The following CDH10 variants were observed in gnomAD, a reference collection of about 807,000 sequenced individuals.
The protein encoded by CDH10 is cadherin 10.
Under a neutral mutation model 73.1 loss-of-function variants are expected in CDH10, and 30 were observed. The observed-to-expected ratio is 0.41, with a 90% CI of 0.31 to 0.56. The LOEUF is 0.56. Ranked by LOEUF, CDH10 falls within the 20% of genes least tolerant of loss-of-function variation. The pLI is 0.27. For missense variants in CDH10, 815 were observed against 973.7 expected (o/e 0.84, Z 2.17); for synonymous variants, 345 against 348.2 (o/e 0.99, Z 0.10).
intron 3 of CDH10, 117 bp downstream of exon 3, chr5:24,537,263 T>G (rs186283319): frequency 6.2e-4 from 412 of 665,496 alleles, no homozygotes; most frequent in Non-Finnish European, 7.2e-4. Context: ...TAAATAAATA[T>G]GTACTCATGG....
At chr5:24,627,105 T>C (rs931271892) in intron 1 of CDH10, among the ~76,000 whole-genome samples, 13 of 151,986 alleles carry the variant, frequency 8.6e-5, no homozygotes, top group African/African-American at 3.1e-4. Flanking sequence ...TATCACCATA[T>C]GCTTTATTTG....
At chr5:24,522,646 T>C (rs1743378189) in intron 5 of CDH10, among the ~76,000 whole-genome samples, 1 of 152,156 alleles carries the variant, frequency 6.6e-6, no homozygotes, top group Non-Finnish European at 1.5e-5. Context: ...ATAGGGCTGC[T>C]CACTAACAAA....
At chr5:24,634,007 A>G (rs1358309447) in intron 1 of CDH10, among the ~76,000 whole-genome samples, 1 of 151,874 alleles carries the variant, frequency 6.6e-6, no homozygotes, top group Non-Finnish European at 1.5e-5. Context: ...TTTACCCTAT[A>G]AATGGGTCAA....
At chr5:24,574,178 G>GC (rs1561172559) in intron 2 of CDH10, among the ~76,000 whole-genome samples, 1 of 151,982 alleles carries the variant, frequency 6.6e-6, no homozygotes, top group African/African-American at 2.4e-5. Context: ...GAGCCACTGC[G>GC]CCCGGCCTAT....
At chr5:24,594,843 T>C (rs957695170) in intron 1 of CDH10, among the ~76,000 whole-genome samples, 12 of 151,956 alleles carry the variant, frequency 7.9e-5, no homozygotes, top group African/African-American at 2.4e-4. Context: ...TACAATCCCA[T>C]GTAGGAAGAT....
intron 2 of CDH10, among the ~76,000 whole-genome samples, chr5:24,572,754 T>C (rs187737740): frequency 4.7e-4 from 71 of 151,758 alleles, no homozygotes; most frequent in African/African-American, 1.7e-3. Flanking sequence ...CAGCTGACAA[T>C]AAAGAAGAAA....
At chr5:24,576,782 C>T (rs1291667670) in intron 2 of CDH10, among the ~76,000 whole-genome samples, 3 of 151,766 alleles carry the variant, frequency 2.0e-5, no homozygotes, top group Admixed American at 2.0e-4. Flanking sequence ...ATTGGCAGTC[C>T]CTTAAGAGTG....
intron 9 of CDH10, among the ~76,000 whole-genome samples, chr5:24,494,828 CAT>C (rs980481120): frequency 8.6e-5 from 13 of 152,034 alleles, no homozygotes; most frequent in African/African-American, 2.9e-4. Context: ...AAGCCAAACT[CAT>C]AGAGATGACA....
intron 2 of CDH10, among the ~76,000 whole-genome samples, chr5:24,541,689 T>C (rs1353843904): frequency 6.6e-6 from 1 of 152,112 alleles, no homozygotes; most frequent in African/African-American, 2.4e-5. Flanking sequence ...ATTGTGGTTT[T>C]AGTTCCTCAG....
rs768280673 is a variant in CDH10 at position 24,509,519 on chromosome 5, G to T, written c.1256+47C>A. 3.1e-6 allele frequency: 5 copies of T among 1,589,252 alleles called. No individual in the cohort carries two copies. The African/African-American group carries it at 5.4e-5, about 17-fold the overall frequency. On this transcript the variant is annotated intron_variant, in intron 7 of 11. Transcript: ENST00000264463. ...CTCCCAAAGTGCTGGGATTACAGGC[G>T]TGAGCCACCGAGCCCGGCTGTTTTC...
rs967245624 is a variant in CDH10, at chr5:24,532,349, T to G, written c.814+2763A>C. ...TTCCAGCCACTGAGTCCATGCTTCC[T>G]AGATATTAAATTATTTAGTCTTAGA... On this transcript the variant is annotated intron_variant, in intron 5 of 11. Transcript: ENST00000264463. Among the ~76,000 whole-genome samples the G allele has an allele frequency of 4.6e-5, 7 of 152,126 alleles. No homozygotes were observed. In the East Asian group the frequency reaches 1.3e-3, roughly 29 times the overall value.
At chr5:24,492,756 C>G (rs1353302232) in intron 10 of CDH10, 61 bp downstream of exon 10, 1 of 767,676 alleles carries the variant, frequency 1.3e-6, no homozygotes, top group Non-Finnish European at 2.4e-6. Flanking sequence ...GCAATGGTTA[C>G]ACTCGGGAAA....
chr5:24,533,882 A>G (rs1743841531), intron 5 of CDH10, among the ~76,000 whole-genome samples: 1 of 152,136 alleles, frequency 6.6e-6, no homozygotes, highest in Non-Finnish European at 1.5e-5. Flanking sequence ...CCACAGCAGC[A>G]GACCTGATGG....
chr5:24,587,445 T>C (rs1746061301), intron 2 of CDH10, among the ~76,000 whole-genome samples: 1 of 152,218 alleles, frequency 6.6e-6, no homozygotes, highest in South Asian at 2.1e-4. Flanking sequence ...GAGAGAGCTC[T>C]GGTAGATATT....
chr5:24,594,200 C>G (rs571039042), intron 1 of CDH10, among the ~76,000 whole-genome samples: 1 of 151,794 alleles, frequency 6.6e-6, no homozygotes, highest in Admixed American at 6.6e-5. Context: ...TGGGGAACAC[C>G]TAGAGTTTCC....
At chr5:24,521,765 G>T (rs1448398588) in intron 5 of CDH10, among the ~76,000 whole-genome samples, 1 of 151,894 alleles carries the variant, frequency 6.6e-6, no homozygotes, top group Non-Finnish European at 1.5e-5. Flanking sequence ...ATAATGGATG[G>T]GTTAAAAAGA....
intron 1 of CDH10, among the ~76,000 whole-genome samples, chr5:24,633,681 A>C (rs926573705): frequency 4.7e-4 from 72 of 151,908 alleles, no homozygotes; most frequent in African/African-American, 1.7e-3. Flanking sequence ...ATCTTGCCTC[A>C]AAAATATTGT....
chr5:24,560,755 C>T (rs1744932043), intron 2 of CDH10, among the ~76,000 whole-genome samples: 2 of 152,002 alleles, frequency 1.3e-5, no homozygotes, highest in Non-Finnish European at 2.9e-5. Context: ...TATTTTTAGA[C>T]CAAAGCAACT....
At chr5:24,593,723 T>C (rs1746279244) in intron 1 of CDH10, 110 bp from the exon 2 acceptor site, 1 of 476,252 alleles carries the variant, frequency 2.1e-6, no homozygotes, top group East Asian at 3.5e-5. Context: ...AAAACATTCA[T>C]TTTCTTTATT....
Sources: allele counts gnomAD v4.1 joint callset (sites outside exome capture counted in the v4.1 genomes callset), GRCh38; gene constraint gnomAD v4.1.1; transcripts MANE v1.5; gene names NCBI Gene and HGNC (gene_info 2026-07-23, HGNC 2026-07-21).